The following UVRAG variants were observed in gnomAD, a reference collection of about 807,000 sequenced individuals.
UVRAG encodes UV radiation resistance associated, also known as UV radiation resistance-associated gene protein.
Under a neutral mutation model 78.0 loss-of-function variants are expected in UVRAG, and 19 were observed. That is an observed-to-expected ratio of 0.24 (90% confidence interval 0.17 to 0.36). UVRAG has a LOEUF of 0.36. Ranked by LOEUF, UVRAG falls within the 10% of genes least tolerant of loss-of-function variation. The probability of loss-of-function intolerance (pLI) is 1.00; values close to 1 mark genes in which losing one functional copy is unlikely to be tolerated. For synonymous variants in UVRAG, 323 were observed against 324.6 expected (o/e 1.00, Z 0.05); for missense variants, 740 against 853.8 (o/e 0.87, Z 1.66).
chr11:75,817,279 G>A (rs1251842256), intron 1 of UVRAG, among the ~76,000 whole-genome samples: 3 of 152,218 alleles, frequency 2.0e-5, no homozygotes, highest in Non-Finnish European at 4.4e-5. Context: ...GGAGCTTCGA[G>A]AGTGTGTGGG....
At chr11:76,060,751 G>A (rs545380418) in intron 12 of UVRAG, among the ~76,000 whole-genome samples, 46 of 152,346 alleles carry the variant, frequency 3.0e-4, no homozygotes, top group African/African-American at 1.0e-3. Context: ...AGCAGTGCCA[G>A]CACACCGGCG....
chr11:75,889,551 C>T (rs1361565148), intron 5 of UVRAG, among the ~76,000 whole-genome samples: 1 of 152,198 alleles, frequency 6.6e-6, no homozygotes, highest in Non-Finnish European at 1.5e-5. Flanking sequence ...CCTCTAAAGC[C>T]TGTGCTTTTT....
At chr11:75,928,301 C>T (rs912405322) in intron 6 of UVRAG, among the ~76,000 whole-genome samples, 1 of 152,132 alleles carries the variant, frequency 6.6e-6, no homozygotes, top group African/African-American at 2.4e-5. Context: ...GGAAGAATGG[C>T]GTCTATCCCT....
chr11:76,084,899 A>C (rs1186452868), intron 13 of UVRAG, among the ~76,000 whole-genome samples: 15 of 151,768 alleles, frequency 9.9e-5, no homozygotes, highest in Non-Finnish European at 8.8e-5. Context: ...TTTCTACTAA[A>C]AATGCCCCCC....
intron 6 of UVRAG, among the ~76,000 whole-genome samples, chr11:75,920,008 G>GTTTTTTGTTTTTTTTTTT (rs1947941022): frequency 1.8e-4 from 10 of 55,464 alleles, no homozygotes; most frequent in African/African-American, 5.8e-4. Flanking sequence ...AATAATTTTG[G>GTTTTTTGTTTTTTTTTTT]TTTTTTTTTT....
chr11:75,918,839 C>G (rs1448891949), intron 6 of UVRAG, among the ~76,000 whole-genome samples: 1 of 152,044 alleles, frequency 6.6e-6, no homozygotes, highest in South Asian at 2.1e-4. Flanking sequence ...ATGAGAGTTG[C>G]AAAAAATTTC....
At chr11:76,136,620 C>T (rs1263649568) in intron 14 of UVRAG, among the ~76,000 whole-genome samples, 1 of 150,888 alleles carries the variant, frequency 6.6e-6, no homozygotes, top group Non-Finnish European at 1.5e-5. Flanking sequence ...CCACCTCAGC[C>T]CACAGTTGCT....
chr11:76,091,487 C>T (rs907665277), intron 13 of UVRAG, among the ~76,000 whole-genome samples: 2 of 151,962 alleles, frequency 1.3e-5, no homozygotes, highest in African/African-American at 4.8e-5. Context: ...ATATCTCTTC[C>T]TGGACTACTA....
intron 14 of UVRAG, among the ~76,000 whole-genome samples, chr11:76,135,593 C>A (rs900987453): frequency 1.3e-5 from 2 of 152,192 alleles, no homozygotes; most frequent in African/African-American, 4.8e-5. Flanking sequence ...AGTAAATTTG[C>A]AATTATGATA....
intron 1 of UVRAG, among the ~76,000 whole-genome samples, chr11:75,837,861 A>T (rs555866154): frequency 8.5e-5 from 13 of 152,308 alleles, no homozygotes; most frequent in African/African-American, 2.9e-4. Flanking sequence ...AAAAAGTTTT[A>T]AAAAATTAGG....
intron 12 of UVRAG, among the ~76,000 whole-genome samples, chr11:76,057,342 G>A (rs1208592721): frequency 6.6e-6 from 1 of 152,096 alleles, no homozygotes; most frequent in Non-Finnish European, 1.5e-5. Context: ...ACTTTAAATT[G>A]ATTATGATGT....
At chr11:76,080,763 A>C (rs1435479134) in intron 13 of UVRAG, among the ~76,000 whole-genome samples, 2 of 152,250 alleles carry the variant, frequency 1.3e-5, no homozygotes, top group Middle Eastern at 3.2e-3. Context: ...CCCATAGTCA[A>C]ATTGACAAAA....
intron 3 of UVRAG, among the ~76,000 whole-genome samples, chr11:75,869,169 C>T (rs1946596228): frequency 6.6e-6 from 1 of 152,156 alleles, no homozygotes; most frequent in African/African-American, 2.4e-5. Context: ...TTGCAGCCTC[C>T]CTTATATCCC....
At chr11:75,861,866 C>A in intron 3 of UVRAG, 86 bp downstream of exon 3, 1 of 1,168,504 alleles carries the variant, frequency 8.6e-7, no homozygotes, top group Non-Finnish European at 1.3e-6. Context: ...AGTTGAGGTT[C>A]AGCTCTGGTT....
At chr11:76,038,176 C>G (rs939949996) in intron 12 of UVRAG, among the ~76,000 whole-genome samples, 1 of 151,946 alleles carries the variant, frequency 6.6e-6, no homozygotes, top group African/African-American at 2.4e-5. Context: ...GAAATAAGAC[C>G]AAGCTATGCT....
intron 12 of UVRAG, among the ~76,000 whole-genome samples, chr11:76,019,755 A>C (rs1950208113): frequency 6.6e-6 from 1 of 152,200 alleles, no homozygotes; most frequent in Admixed American, 6.5e-5. Flanking sequence ...GGCCTCCACC[A>C]CTGGGATTTC....
chr11:76,010,701 G>A (rs374037222), intron 11 of UVRAG, among the ~76,000 whole-genome samples: 43 of 152,234 alleles, frequency 2.8e-4, no homozygotes, highest in African/African-American at 1.0e-3. Context: ...AATCACATTT[G>A]AAAAAGCTTT....
chr11:75,986,289 T>A (rs1032913566), intron 8 of UVRAG, among the ~76,000 whole-genome samples: 5 of 152,302 alleles, frequency 3.3e-5, no homozygotes, highest in African/African-American at 9.6e-5. Flanking sequence ...TTTATTTCTA[T>A]TTTTTGTTGT....
At chr11:75,820,357 CTT>C (rs113444522) in intron 1 of UVRAG, among the ~76,000 whole-genome samples, 95 of 143,494 alleles carry the variant, frequency 6.6e-4, no homozygotes, top group African/African-American at 1.8e-3. Flanking sequence ...TTCACTTATT[CTT>C]TTTTTTTTTT....
Sources: allele counts gnomAD v4.1 joint callset (sites outside exome capture counted in the v4.1 genomes callset), GRCh38; gene constraint gnomAD v4.1.1; transcripts MANE v1.5; gene names NCBI Gene and HGNC (gene_info 2026-07-23, HGNC 2026-07-21).